MYO1D: variants seen among roughly 807,000 people sequenced by gnomAD.
MYO1D encodes the protein myosin ID.
In MYO1D, 83 loss-of-function variants were observed where a neutral mutation model predicts 122.0. The observed-to-expected ratio is 0.68, with a 90% CI of 0.57 to 0.82. The LOEUF (loss-of-function observed/expected upper bound fraction) is 0.82, where lower values mean the gene tolerates loss of function less well. Ranked by LOEUF, MYO1D falls within the 40% of genes least tolerant of loss-of-function variation. The probability of loss-of-function intolerance (pLI) is 0.00; values close to 1 mark genes in which losing one functional copy is unlikely to be tolerated. For synonymous variants in MYO1D, 464 were observed against 446.9 expected (o/e 1.04, Z -0.48); for missense variants, 1,157 against 1,269.5 (o/e 0.91, Z 1.35).
intron 1 of MYO1D, among the ~76,000 whole-genome samples, chr17:32,858,938 C>T (rs2091048331): frequency 6.6e-6 from 1 of 152,106 alleles, no homozygotes; most frequent in Admixed American, 6.5e-5. Context: ...TGAGGATTTC[C>T]TTGCTTTCTG....
chr17:32,553,086 A>C (rs1036085985), intron 21 of MYO1D, among the ~76,000 whole-genome samples: 14 of 134,334 alleles, frequency 1.0e-4, no homozygotes, highest in East Asian at 4.0e-4. Flanking sequence ...ACAAAAAAAA[A>C]AAAACAAAAA....
At chr17:32,715,000 G>C (rs1226109123) in intron 15 of MYO1D, among the ~76,000 whole-genome samples, 1 of 152,030 alleles carries the variant, frequency 6.6e-6, no homozygotes, top group Non-Finnish European at 1.5e-5. Flanking sequence ...TAAAAAGTGG[G>C]CAAAGGATAT....
At chr17:32,864,268 C>T (rs2151089411) in intron 1 of MYO1D, among the ~76,000 whole-genome samples, 1 of 151,784 alleles carries the variant, frequency 6.6e-6, no homozygotes, top group African/African-American at 2.4e-5. Context: ...ACCTCCATGA[C>T]CCAGGACACG....
intron 16 of MYO1D, among the ~76,000 whole-genome samples, chr17:32,697,573 G>C (rs9913387): frequency 0.064 from 9,721 of 151,350 alleles, 995 homozygotes; most frequent in African/African-American, 0.22. Context: ...TCCCAACCTA[G>C]CCATAGCTCG....
intron 14 of MYO1D, among the ~76,000 whole-genome samples, chr17:32,736,863 A>T (rs10401029): frequency 0.036 from 5,472 of 152,286 alleles, 328 homozygotes; most frequent in African/African-American, 0.12. Context: ...GTTGACATGC[A>T]AAGAAAAGCT....
At chr17:32,696,344 A>G (rs752259218) in intron 16 of MYO1D, among the ~76,000 whole-genome samples, 48 of 152,228 alleles carry the variant, frequency 3.2e-4, no homozygotes, top group Admixed American at 9.2e-4. Context: ...ATGGACCTAT[A>G]CAAATTTTAA....
At chr17:32,508,589 T>C (rs1909579873) in intron 21 of MYO1D, among the ~76,000 whole-genome samples, 1 of 152,228 alleles carries the variant, frequency 6.6e-6, no homozygotes. Flanking sequence ...CTATGGTATC[T>C]TGTTATGGCA....
At chr17:32,522,703 G>A (rs970184413) in intron 21 of MYO1D, among the ~76,000 whole-genome samples, 3 of 152,088 alleles carry the variant, frequency 2.0e-5, no homozygotes, top group African/African-American at 4.8e-5. Context: ...TGGGGTAGAG[G>A]AGTCACACAG....
chr17:32,821,736 A>C (rs1241143655), intron 1 of MYO1D, among the ~76,000 whole-genome samples: 1 of 152,206 alleles, frequency 6.6e-6, no homozygotes, highest in Non-Finnish European at 1.5e-5. Context: ...TAAGCATAGG[A>C]TTTTTGTTCA....
chr17:32,531,773 G>C (rs1375482609), intron 21 of MYO1D, among the ~76,000 whole-genome samples: 2 of 152,232 alleles, frequency 1.3e-5, no homozygotes, highest in Non-Finnish European at 2.9e-5. Context: ...ACACCTGAAA[G>C]CATGATCAGC....
chr17:32,625,141 C>G (rs957562453), intron 20 of MYO1D, among the ~76,000 whole-genome samples: 3 of 152,154 alleles, frequency 2.0e-5, no homozygotes, highest in Non-Finnish European at 4.4e-5. Context: ...ATATGCAGAC[C>G]AGGGCCAATA....
intron 1 of MYO1D, among the ~76,000 whole-genome samples, chr17:32,864,548 G>GAA (rs200717040): frequency 0.18 from 12,739 of 72,534 alleles, 1,347 homozygotes; most frequent in Non-Finnish European, 0.21. Context: ...TTCTACGAAT[G>GAA]AAAAAAAAAA....
At chr17:32,719,339 C>T (rs975369330) in intron 15 of MYO1D, among the ~76,000 whole-genome samples, 2 of 148,648 alleles carry the variant, frequency 1.3e-5, no homozygotes, top group African/African-American at 4.9e-5. Context: ...CATCCTTAAA[C>T]ATCTCCTTGC....
At chr17:32,627,293 C>T (rs2087941045) in intron 20 of MYO1D, among the ~76,000 whole-genome samples, 2 of 152,304 alleles carry the variant, frequency 1.3e-5, no homozygotes, top group East Asian at 1.9e-4. Flanking sequence ...CTAGCGCACA[C>T]CAGCACAGGC....
At chr17:32,626,128 G>A (rs541491308) in intron 20 of MYO1D, among the ~76,000 whole-genome samples, 5 of 152,196 alleles carry the variant, frequency 3.3e-5, no homozygotes, top group Admixed American at 6.5e-5. Flanking sequence ...TCTCTCCCAC[G>A]GGTCCACAAG....
intron 20 of MYO1D, among the ~76,000 whole-genome samples, chr17:32,623,169 A>G (rs1032866083): frequency 1.3e-5 from 2 of 152,210 alleles, no homozygotes; most frequent in African/African-American, 4.8e-5. Context: ...TGTCAACTTT[A>G]CTTGTTCCCA....
chr17:32,684,992 T>C (rs1477759242), intron 16 of MYO1D, among the ~76,000 whole-genome samples: 1 of 152,170 alleles, frequency 6.6e-6, no homozygotes, highest in Admixed American at 6.5e-5. Flanking sequence ...CAGGATTTTT[T>C]CATGGAAAAT....
At chr17:32,820,705 G>A (rs898375305) in intron 1 of MYO1D, among the ~76,000 whole-genome samples, 1 of 152,144 alleles carries the variant, frequency 6.6e-6, no homozygotes, top group Non-Finnish European at 1.5e-5. Context: ...GAAACTTTCA[G>A]TTATAGAAAA....
At chr17:32,584,525 G>A (rs575325152) in intron 21 of MYO1D, among the ~76,000 whole-genome samples, 6 of 150,892 alleles carry the variant, frequency 4.0e-5, no homozygotes, top group African/African-American at 1.5e-4. Flanking sequence ...TCGAGCCAGG[G>A]TCTCACACTG....
Sources: gnomAD v4.1 joint callset for allele counts (sites outside exome capture counted in the v4.1 genomes callset) on GRCh38, gnomAD v4.1.1 for gene constraint, MANE v1.5 for transcripts, NCBI Gene and HGNC (gene_info 2026-07-23, HGNC 2026-07-21) for gene names.